The following NUCB2 variants were observed in gnomAD, a reference collection of about 807,000 sequenced individuals.
NUCB2 encodes nucleobindin-2.
A neutral mutation model predicts 57.9 loss-of-function variants in NUCB2; 48 were observed. That is an observed-to-expected ratio of 0.83 (90% CI 0.66 to 1.05). NUCB2 has a LOEUF of 1.05. Ranked by LOEUF, NUCB2 falls within the 50% of genes least tolerant of loss-of-function variation. The pLI is 0.00. For missense variants in NUCB2, 442 were observed against 476.2 expected, an observed-to-expected ratio of 0.93 and a Z score of 0.67; for synonymous variants, 139 against 152.1, an observed-to-expected ratio of 0.91 and a Z score of 0.64.
chr11:17,293,579 A>AG (rs1204400216), intron 2 of NUCB2, among the ~76,000 whole-genome samples: 1 of 152,238 alleles, frequency 6.6e-6, no homozygotes, highest in Non-Finnish European at 1.5e-5. Flanking sequence ...CTGTTAACAA[A>AG]GTAACTTAAA....
At chr11:17,328,622 G>A (rs1252537886) in intron 11 of NUCB2, among the ~76,000 whole-genome samples, 3 of 152,108 alleles carry the variant, frequency 2.0e-5, no homozygotes, top group Non-Finnish European at 4.4e-5. Flanking sequence ...GCCAGCCACT[G>A]CTGATATTTA....
intron 2 of NUCB2, among the ~76,000 whole-genome samples, chr11:17,345,605 G>T (rs1428820722): frequency 6.6e-6 from 1 of 152,152 alleles, no homozygotes; most frequent in Non-Finnish European, 1.5e-5. Flanking sequence ...TACTCAGGAG[G>T]CTGAGGCAGG....
chr11:17,288,882 TACAC>T (rs1167995024), intron 2 of NUCB2, among the ~76,000 whole-genome samples: 888 of 44,552 alleles, frequency 0.02, 28 homozygotes, highest in Non-Finnish European at 0.023. Flanking sequence ...AACATGTATA[TACAC>T]ACACACACAC....
intron 11 of NUCB2, among the ~76,000 whole-genome samples, chr11:17,323,512 G>A (rs1039744991): frequency 6.6e-6 from 1 of 152,134 alleles, no homozygotes; most frequent in Non-Finnish European, 1.5e-5. Context: ...ATCCACCAGA[G>A]CTATTGGCTT....
intron 8 of NUCB2, 133 bp from the exon 9 acceptor site, chr11:17,311,739 A>G: frequency 1.8e-6 from 1 of 565,962 alleles, no homozygotes; most frequent in South Asian, 3.1e-5. Context: ...ATGACAAAGA[A>G]TAAATGCTTT....
chr11:17,292,463 A>G (rs1945097350), intron 2 of NUCB2, among the ~76,000 whole-genome samples: 1 of 152,260 alleles, frequency 6.6e-6, no homozygotes, highest in Non-Finnish European at 1.5e-5. Flanking sequence ...GGCATGTATC[A>G]GAATCACCTA....
intron 2 of NUCB2, among the ~76,000 whole-genome samples, chr11:17,291,560 A>AAAAAAAAAAAAAAAAAAAG (rs1944948046): frequency 1.3e-5 from 2 of 150,112 alleles, no homozygotes; most frequent in Non-Finnish European, 3.0e-5. Flanking sequence ...AAAAAAAAAA[A>AAAAAAAAAAAAAAAAAAAG]TCAGTCTTTT....
rs555196605 is a variant in NUCB2, at chr11:17,303,480, C to T, written c.379+1610C>T. 1.2e-4 allele frequency among the ~76,000 whole-genome samples: 18 copies of T among 152,082 alleles called. No homozygotes were observed. The South Asian group carries it at 3.7e-3, about 32-fold the overall frequency. Reference sequence around the variant, plus strand: ...ATGTATCAAAAAAAAGTCATAAAGTCAAAGGACAAATGATAAATTGGAATA... The same window carrying T: ...ATGTATCAAAAAAAAGTCATAAAGTTAAAGGACAAATGATAAATTGGAATA... On this transcript the variant is annotated intron_variant, in intron 5 of 13. Transcript: ENST00000529010.
intron 4 of NUCB2, among the ~76,000 whole-genome samples, chr11:17,300,228 C>T (rs1194246838): frequency 6.6e-6 from 1 of 152,122 alleles, no homozygotes; most frequent in Non-Finnish European, 1.5e-5. Context: ...CCAGGCTGGT[C>T]TCAAAACTCC....
At chr11:17,341,312 T>A (rs527660219) in intron 2 of NUCB2, among the ~76,000 whole-genome samples, 1 of 151,986 alleles carries the variant, frequency 6.6e-6, no homozygotes, top group South Asian at 2.1e-4. Context: ...TTTATTTCCT[T>A]CTCCTGCCTG....
At chr11:17,334,845 C>T (rs1951676768), downstream of NUCB2, among the ~76,000 whole-genome samples, 1 of 148,848 alleles carries the variant, frequency 6.7e-6, no homozygotes, top group Non-Finnish European at 1.5e-5. Flanking sequence ...GAAATCATGC[C>T]ACTGCAATCC....
intron 1 of NUCB2, among the ~76,000 whole-genome samples, chr11:17,278,915 G>A (rs941520393): frequency 1.3e-5 from 2 of 152,036 alleles, no homozygotes; most frequent in African/African-American, 2.4e-5. Flanking sequence ...CCTTTAGGCC[G>A]GGCATGGTGG....
intron 4 of NUCB2, among the ~76,000 whole-genome samples, chr11:17,298,219 A>C (rs530339389): frequency 6.6e-6 from 1 of 152,210 alleles, no homozygotes; most frequent in Admixed American, 6.5e-5. Flanking sequence ...GTCACTACAA[A>C]AAATTAAAAT....
At chr11:17,323,705 A>AT (rs1338024803) in intron 11 of NUCB2, among the ~76,000 whole-genome samples, 2 of 151,872 alleles carry the variant, frequency 1.3e-5, no homozygotes, top group South Asian at 2.1e-4. Context: ...GGTCCTGGGC[A>AT]TTTTTTTGCT....
At chr11:17,295,196 C>T in intron 2 of NUCB2, 128 bp from the exon 3 acceptor site, 7 of 718,344 alleles carry the variant, frequency 9.7e-6, no homozygotes, top group Middle Eastern at 4.1e-4. Flanking sequence ...CTTTCCTTTC[C>T]TATAATTTTT....
chr11:17,312,986 C>T (rs940927429), intron 10 of NUCB2, among the ~76,000 whole-genome samples: 5 of 151,462 alleles, frequency 3.3e-5, no homozygotes, highest in East Asian at 2.0e-4. Context: ...GCTGGGATTA[C>T]AGGCATGAGC....
rs1211072923 is a variant in NUCB2 at position 17,330,022 on chromosome 11, C to T, written c.1003-105C>T. ...CCTTCTTACCTCCAAAGGCGTAATC[C>T]TATAGATACTCTTTTATACTTTGCT... On this transcript the variant is annotated intron_variant, in intron 11 of 13. Transcript: ENST00000529010. The surrounding 1 kb of genome is among the most constrained non-coding windows in gnomAD (Gnocchi z 4.3). 4 of 576,954 alleles carry T rather than the reference C, an allele frequency of 6.9e-6. No homozygotes were observed. The highest frequency in any genetic ancestry group is 3.0e-5 in the South Asian group (1 of 33,000). 35.7% of individuals were successfully genotyped at this position (576,954 alleles called of 1,614,324 possible).
chr11:17,281,789 A>T (rs1942621365), intron 1 of NUCB2, among the ~76,000 whole-genome samples: 2 of 152,112 alleles, frequency 1.3e-5, no homozygotes, highest in Non-Finnish European at 2.9e-5. Context: ...AGATTATTTT[A>T]TGTTAAATAT....
At chr11:17,307,680 G>A (rs868119301) in intron 5 of NUCB2, among the ~76,000 whole-genome samples, 5 of 151,694 alleles carry the variant, frequency 3.3e-5, no homozygotes, top group Admixed American at 2.0e-4. Flanking sequence ...AATTTATTTA[G>A]CCAGGCCCGT....
Sources: gnomAD v4.1 joint callset for allele counts (sites outside exome capture counted in the v4.1 genomes callset) on GRCh38, gnomAD v4.1.1 for gene constraint, Gnocchi (gnomAD v3.1) non-coding constraint, MANE v1.5 for transcripts, NCBI Gene and HGNC (gene_info 2026-07-23, HGNC 2026-07-21) for gene names.